The following LRRC4C variants were observed in gnomAD, a reference collection of about 807,000 sequenced individuals.
LRRC4C encodes the protein leucine rich repeat containing 4C, also known as leucine-rich repeat-containing protein 4C.
Under a neutral mutation model 33.6 loss-of-function variants are expected in LRRC4C, and 5 were observed. That is an observed-to-expected ratio of 0.15 (90% CI 0.08 to 0.31). LRRC4C has a LOEUF of 0.31. Among genes scored for constraint, LRRC4C ranks in the 10% least tolerant of loss-of-function variants. The probability of loss-of-function intolerance (pLI) is 1.00; values close to 1 mark genes in which losing one functional copy is unlikely to be tolerated. For missense variants in LRRC4C, 560 were observed against 796.7 expected (o/e 0.70, Z 3.58); for synonymous variants, 329 against 302.0 (o/e 1.09, Z -0.93).
chr11:40,815,461 T>G (rs7949308), intron 2 of LRRC4C, among the ~76,000 whole-genome samples: 143 of 152,338 alleles, frequency 9.4e-4, no homozygotes, highest in Non-Finnish European at 1.4e-3. Context: ...AAAACACATT[T>G]GATAGATACT....
chr11:41,195,232 C>G (rs1480594290), intron 1 of LRRC4C, among the ~76,000 whole-genome samples: 2 of 151,982 alleles, frequency 1.3e-5, no homozygotes, highest in African/African-American at 2.4e-5. Flanking sequence ...TTGTAAATTG[C>G]CCATTAAAGT....
intron 3 of LRRC4C, among the ~76,000 whole-genome samples, chr11:40,327,320 A>AT (rs78439331): frequency 0.88 from 134,147 of 151,882 alleles, 59,689 homozygotes; most frequent in East Asian, 0.98. Flanking sequence ...TAGAGAGGCC[A>AT]TTTTTTTCAT....
intron 3 of LRRC4C, among the ~76,000 whole-genome samples, chr11:40,489,599 G>T (rs138568900): frequency 1.3e-5 from 2 of 152,214 alleles, no homozygotes; most frequent in African/African-American, 4.8e-5. Context: ...AACATATTCA[G>T]TAGCCTCAAA....
intron 2 of LRRC4C, among the ~76,000 whole-genome samples, chr11:40,679,325 A>G (rs1214104772): frequency 6.6e-6 from 1 of 152,164 alleles, no homozygotes; most frequent in African/African-American, 2.4e-5. Flanking sequence ...TGACAATGCA[A>G]TAGGAAAGAA....
chr11:40,377,635 C>T (rs1948711410), intron 3 of LRRC4C, among the ~76,000 whole-genome samples: 1 of 152,092 alleles, frequency 6.6e-6, no homozygotes, highest in East Asian at 1.9e-4. Context: ...ATTGAGGTAG[C>T]CTACAGACTG....
At chr11:41,351,315 G>GA (rs1250809524) in intron 1 of LRRC4C, among the ~76,000 whole-genome samples, 2 of 151,868 alleles carry the variant, frequency 1.3e-5, no homozygotes, top group Non-Finnish European at 2.9e-5. Flanking sequence ...TAAAAATGGG[G>GA]AAAAAAGCCT....
intron 1 of LRRC4C, among the ~76,000 whole-genome samples, chr11:41,051,803 A>G (rs1235474757): frequency 6.6e-6 from 1 of 152,086 alleles, no homozygotes; most frequent in Non-Finnish European, 1.5e-5. Context: ...ACCACTGAAT[A>G]TGCCTCTTTT....
intron 5 of LRRC4C, among the ~76,000 whole-genome samples, chr11:40,175,325 T>C (rs1448974842): frequency 2.0e-5 from 3 of 152,232 alleles, no homozygotes; most frequent in Admixed American, 2.0e-4. Flanking sequence ...GCGTGAGCAT[T>C]TGCTTTGCTG....
chr11:40,187,941 C>A (rs1443069227), intron 5 of LRRC4C, among the ~76,000 whole-genome samples: 2 of 152,014 alleles, frequency 1.3e-5, no homozygotes, highest in East Asian at 3.9e-4. Flanking sequence ...GCTAGCCAGC[C>A]AGAAGTAAAA....
intron 3 of LRRC4C, among the ~76,000 whole-genome samples, chr11:40,615,886 A>C (rs1482624842): frequency 6.6e-6 from 1 of 151,824 alleles, no homozygotes; most frequent in African/African-American, 2.4e-5. Context: ...CACTCAAACT[A>C]ATGAAGAAAA....
chr11:40,584,832 T>C (rs1463268194), intron 3 of LRRC4C, among the ~76,000 whole-genome samples: 1 of 151,322 alleles, frequency 6.6e-6, no homozygotes, highest in Non-Finnish European at 1.5e-5. Context: ...CTCAGGAGGC[T>C]GAGGCAGGAG....
intron 3 of LRRC4C, among the ~76,000 whole-genome samples, chr11:40,570,434 T>C (rs1263780491): frequency 2.6e-5 from 4 of 152,156 alleles, no homozygotes; most frequent in Admixed American, 2.0e-4. Flanking sequence ...GGAAAAGTAA[T>C]GTGATCCTGC....
chr11:40,162,210 G>A (rs541616731), intron 5 of LRRC4C, among the ~76,000 whole-genome samples: 193 of 151,672 alleles, frequency 1.3e-3, no homozygotes, highest in South Asian at 2.5e-3. Flanking sequence ...CATCATTTCC[G>A]GTGCCAGCTT....
intron 3 of LRRC4C, among the ~76,000 whole-genome samples, chr11:40,600,546 A>C (rs758354065): frequency 6.6e-6 from 1 of 152,148 alleles, no homozygotes; most frequent in Non-Finnish European, 1.5e-5. Flanking sequence ...CTCTACACAA[A>C]ATGTTTGTGA....
At chr11:41,179,812 T>C in intron 1 of LRRC4C, among the ~76,000 whole-genome samples, 1 of 152,224 alleles carries the variant, frequency 6.6e-6, no homozygotes, top group East Asian at 1.9e-4. Flanking sequence ...GCCATTCATG[T>C]ACTGAATACC....
chr11:41,057,322 T>G (rs1442025964), intron 1 of LRRC4C, among the ~76,000 whole-genome samples: 2 of 152,124 alleles, frequency 1.3e-5, no homozygotes, highest in South Asian at 4.1e-4. Context: ...CCTCCAAACT[T>G]TGGGCACTGA....
chr11:40,676,940 G>T (rs758825645), intron 2 of LRRC4C, among the ~76,000 whole-genome samples: 11 of 152,214 alleles, frequency 7.2e-5, no homozygotes, highest in Non-Finnish European at 1.5e-4. Context: ...AATGGACAAT[G>T]AAAAACATCA....
chr11:40,879,171 A>G (rs930521549), intron 2 of LRRC4C, among the ~76,000 whole-genome samples: 1 of 152,190 alleles, frequency 6.6e-6, no homozygotes, highest in African/African-American at 2.4e-5. Context: ...ATCAGTTTCC[A>G]TCTGAAAAGG....
intron 1 of LRRC4C, among the ~76,000 whole-genome samples, chr11:41,330,318 T>A (rs1029273123): frequency 2.0e-5 from 3 of 152,078 alleles, no homozygotes; most frequent in Admixed American, 1.3e-4. Flanking sequence ...ATTTTGTTTT[T>A]TTCTTTTTTG....
Sources: gnomAD v4.1 joint callset for allele counts (sites outside exome capture counted in the v4.1 genomes callset) on GRCh38, gnomAD v4.1.1 for gene constraint, MANE v1.5 for transcripts, NCBI Gene and HGNC (gene_info 2026-07-23, HGNC 2026-07-21) for gene names.